TMEM35A: variants seen among roughly 807,000 people sequenced by gnomAD.
The protein encoded by TMEM35A is nicotinic acetylcholine receptor chaperone.
For missense variants in TMEM35A, 83 were observed against 132.7 expected (o/e 0.63, Z 1.84); for synonymous variants, 50 against 54.7 (o/e 0.91, Z 0.38).
chrX:101,095,965 T>C lies in TMEM35A; in HGVS notation c.*1009T>C, dbSNP rs1175145161. On this transcript the variant is annotated 3_prime_UTR_variant, in exon 2 of 2. Coordinates refer to ENST00000372930, the MANE Select transcript of TMEM35A (RefSeq NM_021637.3). The stretch of plus-strand genomic sequence containing the variant: ...ATCATCCAAAATTTGAAAAAGAAGC[T>C]ATATCCAGTGTTTCACTGCCAAACA... 8.9e-6 allele frequency: 1 copy of C among 112,173 alleles called. No homozygotes were observed. Among genetic ancestry groups the C allele is most frequent in the African/African-American group, 3.2e-5 (1 of 30,885 alleles). 9.2% of individuals were successfully genotyped at this position (112,173 alleles called of 1,213,427 possible).
intron 1 of TMEM35A, among the ~76,000 whole-genome samples, chrX:101,088,783 T>C (rs1334043096): frequency 9.3e-6 from 1 of 107,053 alleles, no homozygotes; most frequent in Non-Finnish European, 1.9e-5. Context: ...TACATGCCTG[T>C]AAACACAGCT....
intron 1 of TMEM35A, among the ~76,000 whole-genome samples, chrX:101,090,260 C>G (rs1313301848): frequency 9.3e-6 from 1 of 106,970 alleles, no homozygotes; most frequent in Non-Finnish European, 1.9e-5. Context: ...TCAAGTGATT[C>G]TCGTGCCTCA....
intron 1 of TMEM35A, among the ~76,000 whole-genome samples, chrX:101,089,296 T>G (rs1258448892): frequency 9.1e-6 from 1 of 110,371 alleles, no homozygotes; most frequent in African/African-American, 3.3e-5. Context: ...ACAAGGCAGG[T>G]TTAGGGAGAA....
At chrX:101,079,175 C>T (rs991384119) in intron 1 of TMEM35A, 53 bp downstream of exon 1, 68 of 1,186,634 alleles carry the variant, frequency 5.7e-5, no homozygotes, top group Non-Finnish European at 7.4e-5. Context: ...ATTGCGAGGA[C>T]CTCTCCCCTT....
intron 1 of TMEM35A, among the ~76,000 whole-genome samples, chrX:101,086,313 G>T (rs1371615747): frequency 1.8e-5 from 2 of 111,549 alleles, no homozygotes; most frequent in Non-Finnish European, 3.8e-5. Context: ...TAGAGATGGG[G>T]TTTTGCCATG....
At position 101,095,454 on chromosome X, in the gene TMEM35A, C is replaced by T. The variant is rs1371113549; in HGVS notation, c.*498C>T. 9.1e-6 allele frequency: 1 copy of T among 109,320 alleles called. No individual in the cohort carries two copies. Among genetic ancestry groups the T allele is most frequent in the Non-Finnish European group, 1.9e-5 (1 of 52,690 alleles). The allele number at this position is 109,320 out of a possible 1,213,427, so 9.0% of individuals were successfully genotyped here. A position where few individuals can be genotyped will look rare whatever the true frequency, so the allele number is the denominator to read the frequency against. On this transcript the variant is annotated 3_prime_UTR_variant, in exon 2 of 2. Coordinates refer to ENST00000372930, the MANE Select transcript of TMEM35A (RefSeq NM_021637.3). ...AAAACAAATTTCCTATGAAGAGAAT[C>T]CTGATATGAAACAAGTCATGTAGTC... is the stretch of plus-strand genomic sequence containing the variant.
intron 1 of TMEM35A, among the ~76,000 whole-genome samples, chrX:101,083,034 C>T (rs1212387487): frequency 8.9e-6 from 1 of 111,817 alleles, no homozygotes; most frequent in Admixed American, 9.6e-5. Flanking sequence ...GAAAAATCCA[C>T]ACTTGCTGCT....
chrX:101,081,499 A>G (rs1203713048), intron 1 of TMEM35A: 1 of 111,574 alleles, frequency 9.0e-6, no homozygotes, highest in Non-Finnish European at 1.9e-5. Context: ...CACCCTTCAG[A>G]TTTCTCTGTT....
intron 1 of TMEM35A, among the ~76,000 whole-genome samples, chrX:101,088,190 T>A (rs56993734): frequency 0.03 from 3,351 of 111,006 alleles, 142 homozygotes; most frequent in African/African-American, 0.1. Context: ...AGAGCCAGAT[T>A]CCATCTCAAA....
At chrX:101,081,968 G>T (rs141354678) in intron 1 of TMEM35A, 2 of 110,621 alleles carry the variant, frequency 1.8e-5, no homozygotes, top group Admixed American at 1.9e-4. Flanking sequence ...GGTTTTTATG[G>T]ATGCCAGAAC....
intron 1 of TMEM35A, among the ~76,000 whole-genome samples, chrX:101,091,055 G>A (rs1273018048): frequency 9.1e-6 from 1 of 110,416 alleles, no homozygotes; most frequent in African/African-American, 3.3e-5. Context: ...TGGCCAGACT[G>A]GTCTCGAACT....
chrX:101,078,997 G>A lies in TMEM35A; in HGVS notation c.-6G>A, dbSNP rs2089283849. 8 of 1,209,625 alleles carry A rather than the reference G, an allele frequency of 6.6e-6. No individual in the cohort carries two copies. Among genetic ancestry groups the A allele is most frequent in the Non-Finnish European group, 8.9e-6 (8 of 895,103 alleles). ...AGGATTAGTTGGGACCTGCCTTGGC[G>A]ACCCCATGGCATCCCCCAGAACCGT... is the stretch of plus-strand genomic sequence containing the variant. On this transcript the variant is annotated 5_prime_UTR_variant, in exon 1 of 2. Transcript: ENST00000372930.
rs929908297 is a variant in TMEM35A at position 101,085,377 on chromosome X, G to A, written c.120+6255G>A. ...GCACTTTGGGAAGCCAAGCTGGGCC[G>A]ATCACCTGAGGCCAGGAGTTCTAGA... On this transcript the variant is annotated intron_variant, in intron 1 of 1. Transcript: ENST00000372930. Among the ~76,000 whole-genome samples, 14 of 111,448 alleles carry A rather than the reference G, an allele frequency of 1.3e-4. 1 individual carries two copies. Among genetic ancestry groups the A allele is most frequent in the African/African-American group, 4.2e-4 (13 of 30,689 alleles).
At chrX:101,088,676 C>A (rs2089314458) in intron 1 of TMEM35A, among the ~76,000 whole-genome samples, 1 of 111,468 alleles carries the variant, frequency 9.0e-6, no homozygotes, top group Non-Finnish European at 1.9e-5. Flanking sequence ...GAGACCGAGG[C>A]AGGTGGATCA....
chrX:101,082,133 C>CTTTCTTTTTTTTTTTTTTTTTTTTT (rs2089293836), intron 1 of TMEM35A, among the ~76,000 whole-genome samples: 1 of 20,482 alleles, frequency 4.9e-5, no homozygotes, highest in African/African-American at 1.7e-4. Flanking sequence ...TTCTTTCTTT[C>CTTTCTTTTTTTTTTTTTTTTTTTTT]TTTTTTTTTT....
At chrX:101,089,402 G>T (rs2089316636) in intron 1 of TMEM35A, among the ~76,000 whole-genome samples, 1 of 109,912 alleles carries the variant, frequency 9.1e-6, no homozygotes, top group Non-Finnish European at 1.9e-5. Flanking sequence ...TACCTAATCA[G>T]TGAGTGTTTT....
intron 1 of TMEM35A, among the ~76,000 whole-genome samples, chrX:101,083,114 G>A (rs1404946806): frequency 8.9e-6 from 1 of 111,739 alleles, no homozygotes; most frequent in Admixed American, 9.6e-5. Flanking sequence ...GGCATGTGTT[G>A]TCCCATACCT....
intron 1 of TMEM35A, among the ~76,000 whole-genome samples, chrX:101,085,815 T>C (rs909811280): frequency 9.2e-6 from 1 of 108,735 alleles, no homozygotes; most frequent in African/African-American, 3.3e-5. Context: ...CACACACCTG[T>C]AATCCCAGCT....
chrX:101,088,986 G>T (rs1205599272), intron 1 of TMEM35A, among the ~76,000 whole-genome samples: 2 of 110,755 alleles, frequency 1.8e-5, no homozygotes, highest in Non-Finnish European at 3.8e-5. Flanking sequence ...TGCAAAGGGA[G>T]AAGGATAAGG....
Sources: gnomAD v4.1 joint callset for allele counts (sites outside exome capture counted in the v4.1 genomes callset) on GRCh38, gnomAD v4.1.1 for gene constraint, MANE v1.5 for transcripts, NCBI Gene and HGNC (gene_info 2026-07-23, HGNC 2026-07-21) for gene names.